Variants in HGSNAT observed in about 807,000 individuals in gnomAD.
HGSNAT encodes heparan-alpha-glucosaminide N-acetyltransferase.
A neutral mutation model predicts 85.2 loss-of-function variants in HGSNAT; 59 were observed. The ratio of observed to expected loss-of-function variants is 0.69; its 90% CI spans 0.56 to 0.86. The LOEUF (loss-of-function observed/expected upper bound fraction) is 0.86, where lower values mean the gene tolerates loss of function less well. Among genes scored for constraint, HGSNAT ranks in the 40% least tolerant of loss-of-function variants. The pLI is 0.00. For missense variants in HGSNAT, 756 were observed against 777.1 expected (o/e 0.97, Z 0.32); for synonymous variants, 321 against 304.5 (o/e 1.05, Z -0.56).
At chr8:43,141,443 A>G (rs899758884) in intron 1 of HGSNAT, among the ~76,000 whole-genome samples, 4 of 151,992 alleles carry the variant, frequency 2.6e-5, no homozygotes, top group African/African-American at 9.7e-5. Context: ...CTCGGTGGGG[A>G]AAACGGTGAC....
At chr8:43,181,927 TGA>T in intron 10 of HGSNAT, 1 of 552,462 alleles carries the variant, frequency 1.8e-6, no homozygotes, top group Non-Finnish European at 3.2e-6. Flanking sequence ...GCCATGTCCC[TGA>T]CTGACCCTCC....
rs189440813 is a variant in HGSNAT at position 43,144,031 on chromosome 8, C to G, written c.119-2917C>G. Among the ~76,000 whole-genome samples, 3 of 152,134 alleles carry G rather than the reference C, an allele frequency of 2.0e-5. No homozygotes were observed. In the East Asian group the frequency reaches 5.8e-4, roughly 29 times the overall value. On this transcript the variant is annotated intron_variant, in intron 1 of 17. Transcript: ENST00000379644. ...AGCCTGTTTTTGGTTAAAGATTTTA[C>G]TCTTGGGCCCGGTGTGGTGGCTCAC...
At chr8:43,150,678 C>T (rs1802882626) in intron 2 of HGSNAT, among the ~76,000 whole-genome samples, 1 of 151,754 alleles carries the variant, frequency 6.6e-6, no homozygotes, top group African/African-American at 2.4e-5. Context: ...CTAAAAAATA[C>T]AAAAAATTAG....
rs767535336 is a variant in HGSNAT at position 43,197,921 on chromosome 8, G to A, written c.1695G>A (p.Gly565=). Residue 565 remains glycine, a synonymous_variant, in exon 17 of 18, where the codon GGG becomes GGA. Transcript: ENST00000379644. ...TGTACCCAGTTGTGGATGTGAAGGG[G>A]CTGTGGACAGGAACCCCATTCTTTT... ...LVLYPVVDVK[G]LWTGTPFFYP... 6.2e-7 allele frequency: 1 copy of A among 1,613,770 alleles called. No homozygotes were observed. Among genetic ancestry groups the A allele is most frequent in the South Asian group, 1.1e-5 (1 of 91,062 alleles).
intron 14 of HGSNAT, chr8:43,194,517 TCCTG>T: frequency 1.0e-6 from 1 of 985,216 alleles, no homozygotes; most frequent in Non-Finnish European, 1.2e-6. Context: ...AGTCTGTGTG[TCCTG>T]ACCTAACAAA....
chr8:43,153,444 C>T (rs1287772879), intron 2 of HGSNAT, among the ~76,000 whole-genome samples: 4 of 152,012 alleles, frequency 2.6e-5, no homozygotes, highest in African/African-American at 7.2e-5. Context: ...CCGCCCACCT[C>T]GGCCTCCCAA....
chr8:43,151,412 G>C (rs955392442), intron 2 of HGSNAT, among the ~76,000 whole-genome samples: 3 of 151,826 alleles, frequency 2.0e-5, no homozygotes, highest in Non-Finnish European at 4.4e-5. Flanking sequence ...TCGTGACTGA[G>C]TGTCTGTAAG....
intron 2 of HGSNAT, among the ~76,000 whole-genome samples, chr8:43,150,559 C>T (rs184432407): frequency 1.3e-5 from 2 of 152,026 alleles, no homozygotes; most frequent in Admixed American, 6.5e-5. Context: ...GGAGGCCAGG[C>T]GCGGTGGCTC....
Position 43,199,379 on chromosome 8 carries a change from C to T in HGSNAT, c.1727-9C>T. ...GAAACATGATCTTCTGTATGTCTCT[C>T]TCCTTAAGGAATGAATTCCATTCTG... On this transcript the variant is annotated splice_polypyrimidine_tract_variant and intron_variant, in intron 17 of 17. Transcript: ENST00000379644. 6.4e-7 allele frequency: 1 copy of T among 1,567,006 alleles called. No individual in the cohort carries two copies. Among genetic ancestry groups the T allele is most frequent in the Non-Finnish European group, 8.7e-7 (1 of 1,147,994 alleles).
At chr8:43,143,677 A>G (rs1321999999) in intron 1 of HGSNAT, among the ~76,000 whole-genome samples, 1 of 151,436 alleles carries the variant, frequency 6.6e-6, no homozygotes, top group African/African-American at 2.4e-5. Context: ...AGCTGGGACT[A>G]TAGGCACCCA....
At chr8:43,156,718 A>T (rs145555142) in intron 2 of HGSNAT, among the ~76,000 whole-genome samples, 65 of 152,262 alleles carry the variant, frequency 4.3e-4, no homozygotes, top group Non-Finnish European at 8.2e-4. Context: ...TATATTTATA[A>T]CTGTTACATC....
rs1309015008 is a variant in HGSNAT, at chr8:43,191,531, A to G, written c.1186A>G (p.Ile396Val). 1 of 1,613,990 alleles carries G rather than the reference A, an allele frequency of 6.2e-7. No homozygotes were observed. Among genetic ancestry groups the G allele is most frequent in the African/African-American group, 1.3e-5 (1 of 75,038 alleles). Reference protein sequence around the residue: ...ITSSWPQWLLILVLEGLWLGL... With the variant: ...ITSSWPQWLLVLVLEGLWLGL... ...GTCCAGCTGGCCCCAGTGGCTGCTC[A>G]TCCTGGTGCTGGAAGGCCTGTGGCT... The change falls in exon 12 of 18, where the codon ATC becomes GTC. Residue 396 changes from isoleucine (I) to valine (V), a missense_variant. Physicochemically the swap from Ile to Val is conservative, Grantham distance 29. Transcript: ENST00000379644.
chr8:43,178,758 G>A (rs1362066619), intron 10 of HGSNAT, among the ~76,000 whole-genome samples: 1 of 149,722 alleles, frequency 6.7e-6, no homozygotes, highest in Non-Finnish European at 1.5e-5. Context: ...TGCGGCCTTG[G>A]CCTTCCGCAG....
At chr8:43,173,570 C>A in intron 8 of HGSNAT, 143 bp from the exon 9 acceptor site, 1 of 876,082 alleles carries the variant, frequency 1.1e-6, no homozygotes, top group Non-Finnish European at 1.8e-6. Context: ...TCGGCCCCCA[C>A]AAAGTGTTGG....
chr8:43,179,385 T>C, intron 10 of HGSNAT, among the ~76,000 whole-genome samples: 1 of 114,924 alleles, frequency 8.7e-6, no homozygotes, highest in African/African-American at 3.5e-5. Flanking sequence ...CCCACCTCCC[T>C]CCCGGACGGG....
At chr8:43,193,228 T>C (rs2130809572) in intron 13 of HGSNAT, among the ~76,000 whole-genome samples, 1 of 152,288 alleles carries the variant, frequency 6.6e-6, no homozygotes, top group East Asian at 1.9e-4. Context: ...GCTGAAAGGG[T>C]TGGAGGGCTC....
intron 5 of HGSNAT, among the ~76,000 whole-genome samples, chr8:43,163,247 G>A (rs1048575969): frequency 3.9e-5 from 6 of 152,084 alleles, no homozygotes; most frequent in African/African-American, 1.4e-4. Context: ...ATTCCACCTT[G>A]CCCCATGTGG....
At chr8:43,150,660 T>C (rs546881149) in intron 2 of HGSNAT, among the ~76,000 whole-genome samples, 166 of 152,026 alleles carry the variant, frequency 1.1e-3, no homozygotes, top group South Asian at 5.4e-3. Context: ...GGTGAAACCC[T>C]GTCTCTACTA....
intron 1 of HGSNAT, among the ~76,000 whole-genome samples, chr8:43,145,507 C>A (rs1261936756): frequency 1.3e-5 from 2 of 152,208 alleles, no homozygotes; most frequent in South Asian, 4.1e-4. Flanking sequence ...AATCCCAGCA[C>A]TTTGGGAGGC....
Sources: gnomAD v4.1 joint callset for allele counts (sites outside exome capture counted in the v4.1 genomes callset) on GRCh38, gnomAD v4.1.1 for gene constraint, MANE v1.5 for transcripts, NCBI Gene and HGNC (gene_info 2026-07-23, HGNC 2026-07-21) for gene names.